Variants in PLEKHG3 observed in about 807,000 individuals in gnomAD.
PLEKHG3 encodes pleckstrin homology and RhoGEF domain containing G3.
In PLEKHG3, 62 loss-of-function variants were observed where a neutral mutation model predicts 94.9. The ratio of observed to expected loss-of-function variants is 0.65; its 90% confidence interval spans 0.53 to 0.81. The LOEUF (loss-of-function observed/expected upper bound fraction) is 0.81, where lower values mean the gene tolerates loss of function less well. Ranked by LOEUF, PLEKHG3 falls within the 30% of genes least tolerant of loss-of-function variation. The pLI, the probability that PLEKHG3 is intolerant of heterozygous loss-of-function variation, is 0.00. For missense variants in PLEKHG3, 1,461 were observed against 1,619.3 expected (o/e 0.90, Z 1.68); for synonymous variants, 614 against 654.0 (o/e 0.94, Z 0.93).
In PLEKHG3 at chr14:64,732,116, C is replaced by A. The variant is rs368245076; in HGVS notation, c.1147C>A (p.Arg383=). The A allele has an allele frequency of 1.8e-5, 29 of 1,613,768 alleles. No individual in the cohort carries two copies. The highest frequency in any genetic ancestry group is 2.4e-5 in the Non-Finnish European group (28 of 1,179,814). Residue 383 remains arginine (R), a synonymous_variant, in exon 10 of 17, where the codon CGG becomes AGG. Coordinates refer to ENST00000247226, the MANE Select transcript of PLEKHG3 (RefSeq NM_001308147.2). This position sits in a 1 kb window ranked among gnomAD's most constrained non-coding sequence, Gnocchi z 4.9. ...SIQAKTVEEK[R]NWTHHIKRLI... ...CCAGGCCAAGACAGTGGAGGAGAAA[C>A]GGAACTGGACTCACCACATCAAGAG... is the stretch of plus-strand genomic sequence containing the variant.
chr14:64,747,700 A>G lies in PLEKHG3; in HGVS notation c.*3997A>G, dbSNP rs943221896. 11 of 152,172 alleles carry G rather than the reference A, an allele frequency of 7.2e-5. No individual in the cohort carries two copies. The highest frequency in any genetic ancestry group is 2.4e-4 in the African/African-American group (10 of 41,498). The allele number at this position is 152,172 out of a possible 1,614,324, so 9.4% of individuals were successfully genotyped here. The stretch of plus-strand genomic sequence containing the variant: ...CCTGAACCTCACCCACTTCATCTCC[A>G]TGGAACTAAGGTCCTTCTCACGGGG... On this transcript the variant is annotated 3_prime_UTR_variant, in exon 17 of 17. Coordinates refer to ENST00000247226, the MANE Select transcript of PLEKHG3 (RefSeq NM_001308147.2).
rs1321348479 is a variant in PLEKHG3 at position 64,731,876 on chromosome 14, CT to C, written c.1125+71del. On this transcript the variant is annotated intron_variant, in intron 9 of 16. Transcript: ENST00000247226. This position sits in a 1 kb window ranked among gnomAD's most constrained non-coding sequence, Gnocchi z 6.1. ...GGGGACACCTGCGTGGGACTCCTGG[CT>C]CCTCTGCTCACCTAGCTGCCCCAAG... 38 of 1,122,518 alleles carry C rather than the reference CT, an allele frequency of 3.4e-5. No homozygotes were observed. Among genetic ancestry groups the C allele is most frequent in the Admixed American group, 2.3e-4 (13 of 56,260 alleles). 69.5% of individuals were successfully genotyped at this position (1,122,518 alleles called of 1,614,324 possible).
rs948917843 is a variant in PLEKHG3, at chr14:64,741,764, G to A, written c.2247G>A (p.Leu749=). 42 of 1,613,318 alleles carry A rather than the reference G, an allele frequency of 2.6e-5. No individual in the cohort carries two copies. The highest frequency in any genetic ancestry group is 3.6e-5 in the Non-Finnish European group (42 of 1,180,026). The stretch of plus-strand genomic sequence containing the variant: ...GCCTCTCCTACATCCCCAAAGGACT[G>A]GTAAGAAACTCCATCTCCAGGTTCA... ...RESLSYIPKG[L]VRNSISRFNS... is the part of the protein sequence containing the mutation. The change falls in exon 16 of 17, where the codon CTG becomes CTA. Residue 749 remains leucine (L), a synonymous_variant. Coordinates refer to ENST00000247226, the MANE Select transcript of PLEKHG3 (RefSeq NM_001308147.2).
chr14:64,750,132 CACAGT>C lies in PLEKHG3; in HGVS notation c.*6434_*6438del. 6.2e-7 allele frequency: 1 copy of C among 1,614,126 alleles called. No individual in the cohort carries two copies. The highest frequency in any genetic ancestry group is 8.5e-7 in the Non-Finnish European group (1 of 1,179,990). On this transcript the variant is annotated 3_prime_UTR_variant, in exon 17 of 17. Coordinates refer to ENST00000247226, the MANE Select transcript of PLEKHG3 (RefSeq NM_001308147.2). ...AAGGTTAGCTCACTGTTCCTGAGCA[CACAGT>C]ACAGGTTGTTCCAGGACCTGCAAAG...
In PLEKHG3 at chr14:64,725,537, T is replaced by C. The variant is rs1176133473; in HGVS notation, c.-39-2056T>C. Among the ~76,000 whole-genome samples the C allele has an allele frequency of 3.9e-5, 6 of 152,160 alleles. No individual in the cohort carries two copies. Among genetic ancestry groups the C allele is most frequent in the Non-Finnish European group, 8.8e-5 (6 of 68,026 alleles). ...CTGCCTGCTGGTTCTGTAAAAGGCA[T>C]AGCTGATTAATTGTAAAGGCCCTTT... On this transcript the variant is annotated intron_variant, in intron 1 of 16. Transcript: ENST00000247226. The surrounding 1 kb of genome is among the most constrained non-coding windows in gnomAD (Gnocchi z 5.0).
intron 1 of PLEKHG3, among the ~76,000 whole-genome samples, chr14:64,713,480 T>A (rs2081090916): frequency 1.3e-5 from 2 of 152,230 alleles, no homozygotes; most frequent in African/African-American, 4.8e-5. Context: ...TTGTTTAGAC[T>A]TTTTCTTTCT....
In PLEKHG3 at chr14:64,731,452, T is replaced by C; in HGVS notation, c.941T>C (p.Val314Ala). ...GAGGGCACATTCCGCGTGCATCGCG[T>C]GCGCAATGAAAGGACCTTTTTCCTC... ...VLEGTFRVHR[V>A]RNERTFFLFD... The change falls in exon 8 of 17, where the codon GTG becomes GCG. Residue 314 changes from valine (V) to alanine (A), a missense_variant. Physicochemically the swap from Val to Ala is moderately conservative, Grantham distance 64. Around this residue, in one of 3 missense-constraint regions of PLEKHG3, gnomAD observed 1,201 missense variants for 1,295.5 expected, o/e 0.93. Transcript: ENST00000247226. The surrounding 1 kb of genome is among the most constrained non-coding windows in gnomAD (Gnocchi z 6.1). 6.2e-7 allele frequency: 1 copy of C among 1,613,092 alleles called. No individual in the cohort carries two copies. The highest frequency in any genetic ancestry group is 1.1e-5 in the South Asian group (1 of 91,064).
At position 64,741,183 on chromosome 14, in the gene PLEKHG3, C is replaced by G; in HGVS notation, c.1666C>G (p.Pro556Ala). ...DAHQGLLGMD[P>A]PGDMVDFVAA... ...CCACCAGGGCCTTCTGGGGATGGAC[C>G]CCCCAGGTGACATGGTGGACTTCGT... The change falls in exon 16 of 17, where the codon CCC becomes GCC. Residue 556 changes from proline to alanine, a missense_variant. Coordinates refer to ENST00000247226, the MANE Select transcript of PLEKHG3 (RefSeq NM_001308147.2). The G allele has an allele frequency of 6.2e-7, 1 of 1,614,076 alleles. No homozygotes were observed. Among genetic ancestry groups the G allele is most frequent in the Admixed American group, 1.7e-5 (1 of 60,030 alleles).
Position 64,723,532 on chromosome 14 carries a change from A to G in PLEKHG3, c.-39-4061A>G, listed in dbSNP as rs888797663. 2.0e-5 allele frequency among the ~76,000 whole-genome samples: 3 copies of G among 151,618 alleles called. No individual in the cohort carries two copies. Among genetic ancestry groups the G allele is most frequent in the Non-Finnish European group, 2.9e-5 (2 of 67,916 alleles). On this transcript the variant is annotated intron_variant, in intron 1 of 16. Transcript: ENST00000247226. This position sits in a 1 kb window ranked among gnomAD's most constrained non-coding sequence, Gnocchi z 4.5. ...TTCTTTTTTTTTGAGATGGAGTCTC[A>G]TGCTGTCACCCAGGCTGGAGTACAG...
Position 64,749,195 on chromosome 14 carries a change from GCGACT to G in PLEKHG3, c.*5499_*5503del, listed in dbSNP as rs985398481. The G allele has an allele frequency of 2.2e-5, 30 of 1,357,262 alleles. No homozygotes were observed. In the African/African-American group the frequency reaches 3.9e-4, roughly 18 times the overall value. 84.1% of individuals were successfully genotyped at this position (1,357,262 alleles called of 1,614,324 possible). A position where few individuals can be genotyped will look rare whatever the true frequency, so the allele number is the denominator to read the frequency against. The stretch of plus-strand genomic sequence containing the variant: ...AGCGTGGGGCCCGGGGGCCCGGCCC[GCGACT>G]CGACTCATCTCGATTCGACCGGCGG... On this transcript the variant is annotated 3_prime_UTR_variant, in exon 17 of 17. Transcript: ENST00000247226. The surrounding 1 kb of genome is among the most constrained non-coding windows in gnomAD (Gnocchi z 4.7).
intron 14 of PLEKHG3, among the ~76,000 whole-genome samples, 186 bp downstream of exon 14, chr14:64,737,561 G>T (rs1361426872): frequency 6.6e-6 from 1 of 152,262 alleles, no homozygotes; most frequent in East Asian, 1.9e-4. Flanking sequence ...TGCCCTGGGG[G>T]CCCTTCTGCA....
intron 3 of PLEKHG3, among the ~76,000 whole-genome samples, chr14:64,729,733 T>G (rs541682494): frequency 6.6e-6 from 1 of 152,114 alleles, no homozygotes; most frequent in East Asian, 1.9e-4. Context: ...TGGAGAAGTC[T>G]GGGAGGGCAG....
Position 64,715,873 on chromosome 14 carries a change from A to G in PLEKHG3, c.-40+11169A>G, listed in dbSNP as rs992986925. 5.5e-5 allele frequency: 19 copies of G among 346,402 alleles called. No individual in the cohort carries two copies. Among genetic ancestry groups the G allele is most frequent in the Non-Finnish European group, 1.0e-4 (18 of 173,260 alleles). 21.5% of individuals were successfully genotyped at this position (346,402 alleles called of 1,614,324 possible). On this transcript the variant is annotated intron_variant, in intron 1 of 16. Coordinates refer to ENST00000247226, the MANE Select transcript of PLEKHG3 (RefSeq NM_001308147.2). This position sits in a 1 kb window ranked among gnomAD's most constrained non-coding sequence, Gnocchi z 4.4. ...CAGCAATCAGGAATGAGAGAAATGC[A>G]GAAAGTATGACCCACACGCAGAACT...
chr14:64,729,114 C>T, intron 3 of PLEKHG3, 21 bp downstream of exon 3: 1 of 1,162,182 alleles, frequency 8.6e-7, no homozygotes, highest in Non-Finnish European at 1.2e-6. Flanking sequence ...GGGCCTGACA[C>T]TCACCATGTT....
rs1168479585 is a variant in PLEKHG3, at chr14:64,716,811, C to T, written c.-39-10782C>T. The stretch of plus-strand genomic sequence containing the variant: ...ACTTTTCAAGGAGTAGACGCTGCTT[C>T]CTCGGCCGTGTCTCTACACGTGTGC... On this transcript the variant is annotated intron_variant, in intron 1 of 16. Coordinates refer to ENST00000247226, the MANE Select transcript of PLEKHG3 (RefSeq NM_001308147.2). The surrounding 1 kb of genome is among the most constrained non-coding windows in gnomAD (Gnocchi z 5.0). Among the ~76,000 whole-genome samples the T allele has an allele frequency of 6.6e-6, 1 of 152,092 alleles. No individual in the cohort carries two copies. The highest frequency in any genetic ancestry group is 1.5e-5 in the Non-Finnish European group (1 of 68,016).
In PLEKHG3 at chr14:64,731,111, G is replaced by A. The variant is rs1386925997; in HGVS notation, c.791G>A (p.Cys264Tyr). The A allele has an allele frequency of 6.2e-7, 1 of 1,611,306 alleles. No homozygotes were observed. The highest frequency in any genetic ancestry group is 8.5e-7 in the Non-Finnish European group (1 of 1,177,436). The change falls in exon 7 of 17, where the codon TGT (cysteine) becomes TAT (tyrosine). Residue 264 changes from cysteine to tyrosine, a missense_variant. Cys to Tyr is a radical substitution (Grantham distance 194). Around this residue, in one of 3 missense-constraint regions of PLEKHG3, gnomAD observed 1,201 missense variants for 1,295.5 expected, o/e 0.93. Transcript: ENST00000247226. This position sits in a 1 kb window ranked among gnomAD's most constrained non-coding sequence, Gnocchi z 6.1. ...VVEDAIDTMT[C>Y]VAWYINDMKR... Reference sequence around the variant, plus strand: ...GAGGATGCCATTGACACCATGACCTGTGTGGCCTGGTACATCAACGACATG... The same window carrying A: ...GAGGATGCCATTGACACCATGACCTATGTGGCCTGGTACATCAACGACATG...
chr14:64,742,142 C>T lies in PLEKHG3; in HGVS notation c.2625C>T (p.Arg875=), dbSNP rs536679566. The change falls in exon 16 of 17, where the codon CGC becomes CGT. Residue 875 remains arginine (R), a synonymous_variant. Transcript: ENST00000247226. ...SPESSSPTEG[R]SPAHLARELK... is the part of the protein sequence containing the mutation. ...AAAGCTCCTCTCCCACTGAGGGGCG[C>T]AGCCCGGCCCACCTGGCCCGGGAGC... 1.2e-6 allele frequency: 2 copies of T among 1,611,546 alleles called. No homozygotes were observed. The highest frequency in any genetic ancestry group is 4.5e-5 in the East Asian group (2 of 44,880).
chr14:64,743,829 C>A lies in PLEKHG3; in HGVS notation c.*126C>A. Reference sequence around the variant, plus strand: ...CTCAGGTGGGCGGAAAGTCCATCCCCTCCGCCCTTCAGGAAGGATGCTCCC... The same window carrying A: ...CTCAGGTGGGCGGAAAGTCCATCCCATCCGCCCTTCAGGAAGGATGCTCCC... On this transcript the variant is annotated 3_prime_UTR_variant, in exon 17 of 17. Coordinates refer to ENST00000247226, the MANE Select transcript of PLEKHG3 (RefSeq NM_001308147.2). The surrounding 1 kb of genome is among the most constrained non-coding windows in gnomAD (Gnocchi z 7.2). 1 of 1,032,540 alleles carries A rather than the reference C, an allele frequency of 9.7e-7. No homozygotes were observed. Among genetic ancestry groups the A allele is most frequent in the Non-Finnish European group, 1.4e-6 (1 of 735,110 alleles). 64.0% of individuals were successfully genotyped at this position (1,032,540 alleles called of 1,614,324 possible). A position where few individuals can be genotyped will look rare whatever the true frequency, so the allele number is the denominator to read the frequency against.
rs2139394271 is a variant in PLEKHG3, at chr14:64,738,706, TG to T, written c.1405-35del. ...GATGCAGAAGGGATCAGCTTCCAGTTGTCTTGGAGTTGATGACTGACCTCTA... is the reference window on the plus strand; with the variant it reads ...GATGCAGAAGGGATCAGCTTCCAGTTTCTTGGAGTTGATGACTGACCTCTA... On this transcript the variant is annotated intron_variant, in intron 14 of 16. Transcript: ENST00000247226. This position sits in a 1 kb window ranked among gnomAD's most constrained non-coding sequence, Gnocchi z 4.8. 3 of 1,394,168 alleles carry T rather than the reference TG, an allele frequency of 2.2e-6. No homozygotes were observed. Among genetic ancestry groups the T allele is most frequent in the South Asian group, 1.2e-5 (1 of 81,080 alleles). The allele number at this position is 1,394,168 out of a possible 1,614,324, so 86.4% of individuals were successfully genotyped here.
Sources: gnomAD v4.1 joint callset for allele counts (sites outside exome capture counted in the v4.1 genomes callset) on GRCh38, gnomAD v4.1.1 for gene constraint, gnomAD v4.1.1 regional missense constraint, Gnocchi (gnomAD v3.1) non-coding constraint, MANE v1.5 for transcripts, NCBI Gene and HGNC (gene_info 2026-07-23, HGNC 2026-07-21) for gene names.